The following PDE4B variants were observed in gnomAD, a reference collection of about 807,000 sequenced individuals.
PDE4B encodes phosphodiesterase 4B.
PDE4B carries 20 observed loss-of-function variants against 82.2 expected under a neutral mutation model. That is an observed-to-expected ratio of 0.24 (90% CI 0.17 to 0.35). The LOEUF (loss-of-function observed/expected upper bound fraction) is 0.35. Among genes scored for constraint, PDE4B ranks in the 10% least tolerant of loss-of-function variants. PDE4B has a pLI of 1.00. For synonymous variants in PDE4B, 320 were observed against 318.9 expected, an observed-to-expected ratio of 1.00 and a Z score of -0.04; for missense variants, 655 against 907.2, an observed-to-expected ratio of 0.72 and a Z score of 3.57.
At chr1:65,904,171 C>A (rs1451635178) in intron 1 of PDE4B, among the ~76,000 whole-genome samples, 5 of 151,994 alleles carry the variant, frequency 3.3e-5, no homozygotes, top group Non-Finnish European at 7.4e-5. Context: ...AGACTTACAC[C>A]AAATTACTGT....
At chr1:65,934,056 T>C (rs1247921078) in intron 3 of PDE4B, among the ~76,000 whole-genome samples, 1 of 152,124 alleles carries the variant, frequency 6.6e-6, no homozygotes, top group Non-Finnish European at 1.5e-5. Context: ...AATTATAAGA[T>C]AGACTAATAG....
chr1:66,066,887 A>C lies in PDE4B; in HGVS notation c.281+148052A>C, dbSNP rs544137484. On this transcript the variant is annotated intron_variant, in intron 3 of 16. Transcript: ENST00000341517. ...TAGACTTAGTTCTCATATATGTAGA[A>C]TATTAAAAAGATTAAAACCTCACAA... Among the ~76,000 whole-genome samples the C allele has an allele frequency of 2.0e-5, 3 of 152,154 alleles. No homozygotes were observed. In the South Asian group the frequency reaches 6.2e-4, roughly 32 times the overall value.
intron 3 of PDE4B, among the ~76,000 whole-genome samples, chr1:66,198,865 G>T (rs1169389179): frequency 1.1e-4 from 17 of 151,930 alleles, no homozygotes; most frequent in African/African-American, 2.9e-4. Context: ...GCGGTGTTTG[G>T]TTTTTTGTCC....
intron 3 of PDE4B, among the ~76,000 whole-genome samples, chr1:66,227,923 C>A (rs1651585720): frequency 6.6e-6 from 1 of 152,096 alleles, no homozygotes; most frequent in African/African-American, 2.4e-5. Flanking sequence ...GGTATAACAC[C>A]CTGTAATCAT....
At chr1:65,901,268 T>G (rs950731235) in intron 1 of PDE4B, among the ~76,000 whole-genome samples, 1 of 152,192 alleles carries the variant, frequency 6.6e-6, no homozygotes, top group African/African-American at 2.4e-5. Flanking sequence ...TTGATTTGCA[T>G]ATTATGAATT....
rs566650533 is a variant in PDE4B at position 65,935,588 on chromosome 1, C to T, written c.281+16753C>T. Among the ~76,000 whole-genome samples the T allele has an allele frequency of 1.1e-4, 17 of 152,222 alleles. 1 individual carries two copies. The highest frequency in any genetic ancestry group is 3.9e-4 in the Admixed American group (6 of 15,278). ...TTAATCTGAGCTTACTGTAACATTT[C>T]GTTTTATAAAATTCTTAATTAAAAA... is the stretch of plus-strand genomic sequence containing the variant. On this transcript the variant is annotated intron_variant, in intron 3 of 16. Coordinates refer to ENST00000341517, the MANE Select transcript of PDE4B (RefSeq NM_002600.4).
At chr1:66,358,364 TGGAGC>T in intron 9 of PDE4B, among the ~76,000 whole-genome samples, 1 of 152,282 alleles carries the variant, frequency 6.6e-6, no homozygotes, top group South Asian at 2.1e-4. Context: ...TCAGGATTGT[TGGAGC>T]TAAAAATAAA....
At chr1:65,905,967 C>T (rs965817635) in intron 1 of PDE4B, among the ~76,000 whole-genome samples, 2 of 152,038 alleles carry the variant, frequency 1.3e-5, no homozygotes, top group African/African-American at 4.8e-5. Flanking sequence ...ATGTTGGGCT[C>T]TCAATCTTTT....
At chr1:66,234,291 T>A (rs1167880916) in intron 3 of PDE4B, among the ~76,000 whole-genome samples, 1 of 152,130 alleles carries the variant, frequency 6.6e-6, no homozygotes, top group Non-Finnish European at 1.5e-5. Flanking sequence ...CTGGCATAAT[T>A]ATTATTATTA....
chr1:65,963,195 A>T (rs1357837685), intron 3 of PDE4B, among the ~76,000 whole-genome samples: 1 of 151,818 alleles, frequency 6.6e-6, no homozygotes, highest in Non-Finnish European at 1.5e-5. Context: ...CCCCACCTTT[A>T]TTTTTACTTG....
intron 3 of PDE4B, among the ~76,000 whole-genome samples, chr1:66,112,949 G>A (rs1341405239): frequency 6.6e-6 from 1 of 152,064 alleles, no homozygotes; most frequent in Non-Finnish European, 1.5e-5. Context: ...CCAAGCGATG[G>A]GATTATATTG....
intron 3 of PDE4B, among the ~76,000 whole-genome samples, chr1:65,919,147 T>C (rs1409622798): frequency 1.3e-5 from 2 of 152,210 alleles, no homozygotes; most frequent in Non-Finnish European, 2.9e-5. Context: ...CTATACAGTG[T>C]GCATCAGTAT....
At chr1:66,220,074 T>C (rs1445417884) in intron 3 of PDE4B, among the ~76,000 whole-genome samples, 1 of 152,016 alleles carries the variant, frequency 6.6e-6, no homozygotes, top group East Asian at 1.9e-4. Flanking sequence ...TTCCAAGAGC[T>C]GGAAAAAGCT....
chr1:66,160,172 C>A (rs562749592), intron 3 of PDE4B, among the ~76,000 whole-genome samples: 1 of 152,230 alleles, frequency 6.6e-6, no homozygotes, highest in South Asian at 2.1e-4. Context: ...CAATGTCCCA[C>A]GGTGTAGAGG....
At chr1:66,105,302 T>G (rs1277433024) in intron 3 of PDE4B, among the ~76,000 whole-genome samples, 8 of 151,362 alleles carry the variant, frequency 5.3e-5, no homozygotes, top group Non-Finnish European at 7.4e-5. Flanking sequence ...GATCTATATC[T>G]CTGTTTTGGT....
At chr1:66,270,238 G>A (rs1484075417) in intron 7 of PDE4B, among the ~76,000 whole-genome samples, 9 of 152,210 alleles carry the variant, frequency 5.9e-5, no homozygotes, top group Admixed American at 5.9e-4. Context: ...AATCGTATGA[G>A]ACATTTCTTT....
intron 8 of PDE4B, among the ~76,000 whole-genome samples, chr1:66,353,261 A>AAC (rs926403475): frequency 6.6e-6 from 1 of 152,296 alleles, no homozygotes; most frequent in East Asian, 1.9e-4. Flanking sequence ...TATCATGGGA[A>AAC]ACACACACAC....
At chr1:66,343,142 T>TATAAA (rs1436424370) in intron 8 of PDE4B, among the ~76,000 whole-genome samples, 2 of 152,128 alleles carry the variant, frequency 1.3e-5, no homozygotes, top group Admixed American at 1.3e-4. Context: ...AGGAGAATCA[T>TATAAA]TTGTGTATAA....
intron 3 of PDE4B, among the ~76,000 whole-genome samples, chr1:66,239,613 G>T (rs1366483972): frequency 6.6e-6 from 1 of 152,122 alleles, no homozygotes; most frequent in Non-Finnish European, 1.5e-5. Flanking sequence ...TAGAAATAAT[G>T]CTCCTATATT....
Sources: gnomAD v4.1 joint callset for allele counts (sites outside exome capture counted in the v4.1 genomes callset) on GRCh38, gnomAD v4.1.1 for gene constraint, MANE v1.5 for transcripts, NCBI Gene and HGNC (gene_info 2026-07-23, HGNC 2026-07-21) for gene names.